The following ABCA4 variants were observed in gnomAD, a reference collection of about 807,000 sequenced individuals.
The protein encoded by ABCA4 is ATP binding cassette subfamily A member 4, also known as retinal-specific phospholipid-transporting ATPase ABCA4.
Under a neutral mutation model 263.7 loss-of-function variants are expected in ABCA4, and 196 were observed. The observed-to-expected ratio is 0.74, with a 90% confidence interval of 0.66 to 0.84. The LOEUF is 0.84. ABCA4 is among the 40% of genes least tolerant of loss of function. ABCA4 has a pLI of 0.00. For synonymous variants in ABCA4, 1,133 were observed against 1,094.2 expected (o/e 1.04, Z -0.70); for missense variants, 2,792 against 2,855.1 (o/e 0.98, Z 0.50).
At chr1:94,000,177 A>G (rs1268238324) in intron 47 of ABCA4, among the ~76,000 whole-genome samples, 1 of 152,234 alleles carries the variant, frequency 6.6e-6, no homozygotes, top group Admixed American at 6.5e-5. Context: ...TGTTAAATAA[A>G]TGAGTAATTG....
intron 20 of ABCA4, among the ~76,000 whole-genome samples, chr1:94,044,100 T>TCTCCCCTCCCTC (rs1557779047): frequency 1.4e-3 from 16 of 11,046 alleles, no homozygotes; most frequent in Middle Eastern, 0.056. Flanking sequence ...CTTCTTTCCT[T>TCTCCCCTCCCTC]CCTTCCTTCC....
intron 41 of ABCA4, 141 bp from the exon 42 acceptor site, chr1:94,008,438 G>A (rs1418248570): frequency 1.1e-6 from 1 of 875,476 alleles, no homozygotes. Flanking sequence ...AGGCACAGAG[G>A]TGTGGTGAGT....
At chr1:94,051,025 G>C (rs1056002576) in intron 17 of ABCA4, among the ~76,000 whole-genome samples, 6 of 152,182 alleles carry the variant, frequency 3.9e-5, no homozygotes, top group African/African-American at 1.4e-4. Context: ...TCTCTAGCTA[G>C]GCCTCCTGTT....
rs1325382938 is a variant in ABCA4, at chr1:94,056,686, C to A, written c.2297G>T (p.Gly766Val). 1 of 1,614,182 alleles carries A rather than the reference C, an allele frequency of 6.2e-7. No homozygotes were observed. Among genetic ancestry groups the A allele is most frequent in the Non-Finnish European group, 8.5e-7 (1 of 1,180,046 alleles). Residue 766 changes from glycine to valine, a missense_variant, in exon 15 of 50, where the codon GGT becomes GTT. Coordinates refer to ENST00000370225, the MANE Select transcript of ABCA4 (RefSeq NM_000350.3). ...SKASLAAACS[G>V]VIYFTLYLPH... ...CAGGTAGAGGGTGAAATAGATGACA[C>A]CACTACAGGCTGCTGCCAGACTGGC...
At chr1:94,074,960 A>T (rs1223327269) in intron 11 of ABCA4, among the ~76,000 whole-genome samples, 1 of 152,262 alleles carries the variant, frequency 6.6e-6, no homozygotes, top group African/African-American at 2.4e-5. Context: ...GTACATATAC[A>T]CCATAGAATA....
Position 93,997,886 on chromosome 1 carries a change from G to T in ABCA4, c.6704C>A (p.Ser2235Ter). Residue 2235 changes from serine (S) to a stop codon, truncating the protein, a stop_gained, in exon 48 of 50, where the codon TCA (serine) becomes TAA (stop). Transcript: ENST00000370225. LOFTEE classifies it high-confidence loss of function. ...HKDSLLIEEY[S>*]VTQTTLDQVF... ...CTGGTCCAGTGTGGTCTGTGTGACT[G>T]AGTACTCCTCGATGAGCAGGCTGTC... 1 of 1,614,106 alleles carries T rather than the reference G, an allele frequency of 6.2e-7. No homozygotes were observed. The highest frequency in any genetic ancestry group is 1.1e-5 in the South Asian group (1 of 91,052).
chr1:94,083,491 A>G (rs1480976326), intron 6 of ABCA4, 50 bp from the exon 7 acceptor site: 6 of 1,374,882 alleles, frequency 4.4e-6, no homozygotes, highest in Admixed American at 3.3e-5. Context: ...GTTTGTAGGT[A>G]TATACACACA....
intron 11 of ABCA4, among the ~76,000 whole-genome samples, chr1:94,068,617 T>C (rs1348715882): frequency 6.6e-6 from 1 of 152,224 alleles, no homozygotes; most frequent in East Asian, 1.9e-4. Context: ...AGCTTGCAAG[T>C]TAGAATATAG....
intron 12 of ABCA4, 115 bp downstream of exon 12, chr1:94,062,997 C>G: frequency 8.6e-7 from 1 of 1,167,756 alleles, no homozygotes; most frequent in Non-Finnish European, 1.3e-6. Flanking sequence ...CTTATTTTTT[C>G]TTATTTAACT....
At chr1:94,039,598 G>A (rs568570066) in intron 24 of ABCA4, among the ~76,000 whole-genome samples, 1 of 152,332 alleles carries the variant, frequency 6.6e-6, no homozygotes, top group East Asian at 1.9e-4. Flanking sequence ...GAGTATAACA[G>A]GGGTGTATGC....
Position 94,063,286 on chromosome 1 carries a change from T to C in ABCA4, c.1586A>G (p.Asn529Ser), listed in dbSNP as rs764995626. The C allele has an allele frequency of 6.8e-6, 11 of 1,614,028 alleles. No homozygotes were observed. The highest frequency in any genetic ancestry group is 2.7e-5 in the African/African-American group (2 of 74,914). ...ACGTTGGGTGAGCTGAGTTTCATCA[T>C]TGTAGCTTTCAAACTTATCCAGGAC... ...CLVLDKFESY[N>S]DETQLTQRAL... Residue 529 changes from asparagine (N) to serine (S), a missense_variant, in exon 12 of 50, where the codon AAT becomes AGT. Coordinates refer to ENST00000370225, the MANE Select transcript of ABCA4 (RefSeq NM_000350.3).
In ABCA4 at chr1:94,056,723, A is replaced by G. The variant is rs1274302295; in HGVS notation, c.2260T>C (p.Phe754Leu). 8 of 1,613,998 alleles carry G rather than the reference A, an allele frequency of 5.0e-6. No homozygotes were observed. The South Asian group carries it at 6.6e-5, about 13-fold the overall frequency. Residue 754 changes from phenylalanine to leucine, a missense_variant, in exon 15 of 50, where the codon TTC (phenylalanine) becomes CTC (leucine). Coordinates refer to ENST00000370225, the MANE Select transcript of ABCA4 (RefSeq NM_000350.3). ...GCTGCCAGACTGGCCTTGGAGAAGAAGGTGCTGAGCAGAAAGCACAGCATG... is the reference window on the plus strand; with the variant it reads ...GCTGCCAGACTGGCCTTGGAGAAGAGGGTGCTGAGCAGAAAGCACAGCATG... Reference protein sequence around the residue: ...TIMLCFLLSTFFSKASLAAAC... With the variant: ...TIMLCFLLSTLFSKASLAAAC...
chr1:94,111,573 A>G lies in ABCA4; in HGVS notation c.167T>C (p.Phe56Ser), dbSNP rs747766711. 6.2e-7 allele frequency: 1 copy of G among 1,614,172 alleles called. No individual in the cohort carries two copies. The highest frequency in any genetic ancestry group is 8.5e-7 in the Non-Finnish European group (1 of 1,180,030). ...TGCTGAGGGCATCGCCTTGTTGGGGAAATGGCCTTTAAAACAGAAAATGAG... is the reference window on the plus strand; with the variant it reads ...TGCTGAGGGCATCGCCTTGTTGGGGGAATGGCCTTTAAAACAGAAAATGAG... ...NPLYSHHECH[F>S]PNKAMPSAGM... is the part of the protein sequence containing the mutation. The change falls in exon 3 of 50, where the codon TTC becomes TCC. Residue 56 changes from phenylalanine to serine, a missense_variant. Phe to Ser is a radical substitution (Grantham distance 155, BLOSUM62 -2). Transcript: ENST00000370225.
chr1:94,049,018 G>A lies in ABCA4; in HGVS notation c.2654-61C>T, dbSNP rs1317460424. ...GGGAGCTGAGAACGAGCAAAGGCAG[G>A]AAAGGAGGGGAGAGGTACAGGGAGC... On this transcript the variant is annotated intron_variant, in intron 17 of 49. Transcript: ENST00000370225. The A allele has an allele frequency of 3.9e-6, 6 of 1,544,764 alleles. No individual in the cohort carries two copies. The African/African-American group carries it at 4.1e-5, about 11-fold the overall frequency.
At chr1:94,096,689 A>G (rs957379025) in intron 6 of ABCA4, among the ~76,000 whole-genome samples, 6 of 152,226 alleles carry the variant, frequency 3.9e-5, no homozygotes, top group African/African-American at 1.2e-4. Flanking sequence ...CTAGTCTCCA[A>G]TGGAAAGTTT....
intron 7 of ABCA4, 98 bp from the exon 8 acceptor site, chr1:94,080,816 A>C: frequency 2.6e-6 from 4 of 1,528,926 alleles, no homozygotes; most frequent in Non-Finnish European, 3.6e-6. Context: ...TTCCACATTT[A>C]AAAGAAAACA....
intron 7 of ABCA4, 39 bp from the exon 8 acceptor site, chr1:94,080,757 C>T (rs761653736): frequency 1.2e-6 from 2 of 1,613,974 alleles, no homozygotes; most frequent in Non-Finnish European, 8.5e-7. Context: ...TTTAAGGCAG[C>T]TAGAGTCATA....
intron 36 of ABCA4, 63 bp downstream of exon 36, chr1:94,019,519 A>G (rs1444980594): frequency 2.6e-6 from 4 of 1,524,334 alleles, no homozygotes; most frequent in Non-Finnish European, 3.5e-6. Flanking sequence ...GGTCCTTCAG[A>G]GCACACACAA....
In ABCA4 at chr1:94,100,249, T is replaced by G. The variant is rs58266634; in HGVS notation, c.571-1258A>C. ...ATAAAACATAGTGAAACCAGAGCAC[T>G]GAAGAGGGTGTGTTAAGAATAGCCA... On this transcript the variant is annotated intron_variant, in intron 5 of 49. Coordinates refer to ENST00000370225, the MANE Select transcript of ABCA4 (RefSeq NM_000350.3). Among the ~76,000 whole-genome samples the G allele has an allele frequency of 7.0e-4, 106 of 152,306 alleles. 1 individual carries two copies. The East Asian group carries it at 0.018, about 26-fold the overall frequency.
Sources: allele counts gnomAD v4.1 joint callset (sites outside exome capture counted in the v4.1 genomes callset), GRCh38; gene constraint gnomAD v4.1.1; transcripts MANE v1.5; gene names NCBI Gene and HGNC (gene_info 2026-07-23, HGNC 2026-07-21).